SAMMSON: variants seen among roughly 807,000 people sequenced by gnomAD.
SAMMSON encodes the protein survival associated mitochondrial melanoma specific oncogenic non-coding RNA.
intron 4 of SAMMSON, among the ~76,000 whole-genome samples, chr3:70,207,820 C>T (rs1701306362): frequency 6.6e-6 from 1 of 152,090 alleles, no homozygotes; most frequent in African/African-American, 2.4e-5. Context: ...ACCTGAGCAT[C>T]TGAAAATTTC....
chr3:70,027,718 A>G (rs982792104), intron 3 of SAMMSON, among the ~76,000 whole-genome samples: 2 of 152,206 alleles, frequency 1.3e-5, no homozygotes, highest in African/African-American at 4.8e-5. Context: ...AGATGTTGCC[A>G]TCTTAGAAGC....
At chr3:70,088,281 T>C (rs1457280929) in intron 4 of SAMMSON, among the ~76,000 whole-genome samples, 1 of 152,222 alleles carries the variant, frequency 6.6e-6, no homozygotes, top group Non-Finnish European at 1.5e-5. Context: ...ATATGTGTTC[T>C]GATTGATTAA....
intron 6 of SAMMSON, among the ~76,000 whole-genome samples, chr3:70,284,574 A>G (rs142207692): frequency 1.3e-4 from 20 of 152,324 alleles, no homozygotes; most frequent in African/African-American, 4.8e-4. Flanking sequence ...GCCATAAAAA[A>G]GAATAAGATC....
At chr3:70,334,896 A>C (rs374654663) in intron 7 of SAMMSON, among the ~76,000 whole-genome samples, 2 of 152,056 alleles carry the variant, frequency 1.3e-5, no homozygotes, top group African/African-American at 4.8e-5. Context: ...ACATATGTCT[A>C]CTATTTATTT....
rs532033807 is a variant in SAMMSON, at chr3:70,045,846, C to T, written n.418-25630C>T. The stretch of plus-strand genomic sequence containing the variant: ...TTTATTAGCTCTTCTTTAAATCATA[C>T]AAATTATTCCTTTTAACTGTAAATG... On this transcript the variant is annotated intron_variant and non_coding_transcript_variant, in intron 3 of 9. Transcript: ENST00000642114. Among the ~76,000 whole-genome samples the T allele has an allele frequency of 1.0e-3, 158 of 152,166 alleles. 1 individual carries two copies. Among genetic ancestry groups the T allele is most frequent in the Admixed American group, 1.8e-3 (27 of 15,274 alleles).
chr3:70,284,810 C>G (rs1473837254), intron 6 of SAMMSON, among the ~76,000 whole-genome samples: 1 of 152,000 alleles, frequency 6.6e-6, no homozygotes, highest in Non-Finnish European at 1.5e-5. Context: ...GTCTTAAAAC[C>G]TGGGTCATGA....
intron 3 of SAMMSON, among the ~76,000 whole-genome samples, chr3:70,059,804 G>C (rs1365017685): frequency 6.6e-6 from 1 of 152,000 alleles, no homozygotes; most frequent in Non-Finnish European, 1.5e-5. Flanking sequence ...TTGGCTATGG[G>C]GGACTTTCTA....
At chr3:70,359,387 A>G (rs749564950) in intron 9 of SAMMSON, among the ~76,000 whole-genome samples, 3 of 152,212 alleles carry the variant, frequency 2.0e-5, no homozygotes, top group African/African-American at 4.8e-5. Context: ...AAAGAAAACA[A>G]TTATACCTAA....
intron 4 of SAMMSON, among the ~76,000 whole-genome samples, chr3:70,108,528 A>G (rs1315189560): frequency 6.8e-6 from 1 of 147,564 alleles, no homozygotes; most frequent in Non-Finnish European, 1.5e-5. Context: ...CACATCGCAC[A>G]GGCTGAATGT....
At chr3:70,134,012 G>A (rs2067494592) in intron 4 of SAMMSON, among the ~76,000 whole-genome samples, 2 of 151,454 alleles carry the variant, frequency 1.3e-5, no homozygotes, top group South Asian at 4.2e-4. Context: ...GGGAGGCCAA[G>A]GCAGGCAGAT....
chr3:70,363,946 CTTTT>C (rs912509527), intron 9 of SAMMSON, among the ~76,000 whole-genome samples: 2 of 151,602 alleles, frequency 1.3e-5, no homozygotes, highest in African/African-American at 4.8e-5. Flanking sequence ...ATATTTCTAG[CTTTT>C]TTGTCTGTTT....
At chr3:70,345,250 T>C (rs1282129374) in intron 7 of SAMMSON, among the ~76,000 whole-genome samples, 4 of 152,180 alleles carry the variant, frequency 2.6e-5, no homozygotes, top group African/African-American at 4.8e-5. Flanking sequence ...CCTGTGTACA[T>C]GTCAAGTGGT....
chr3:70,079,799 C>T (rs1479909534), intron 4 of SAMMSON, among the ~76,000 whole-genome samples: 1 of 152,114 alleles, frequency 6.6e-6, no homozygotes, highest in African/African-American at 2.4e-5. Flanking sequence ...TCTTCTTTTT[C>T]CAAATGATGT....
At chr3:70,362,457 T>G (rs978861568) in intron 9 of SAMMSON, among the ~76,000 whole-genome samples, 2 of 152,150 alleles carry the variant, frequency 1.3e-5, no homozygotes, top group African/African-American at 4.8e-5. Flanking sequence ...GTCTGTTTAG[T>G]AGGTTTATGG....
Position 70,020,317 on chromosome 3 carries a change from A to G in SAMMSON, n.417+6645A>G, listed in dbSNP as rs2067007755. On this transcript the variant is annotated intron_variant and non_coding_transcript_variant, in intron 3 of 9. Coordinates refer to ENST00000642114, the Ensembl canonical transcript of SAMMSON. The stretch of plus-strand genomic sequence containing the variant: ...AGATTAATGCAGAAAGCAAAAATTC[A>G]ACAGGAACATGGGTCTTCAGGCACC... 2.0e-5 allele frequency among the ~76,000 whole-genome samples: 3 copies of G among 152,336 alleles called. No individual in the cohort carries two copies. The South Asian group carries it at 6.2e-4, about 32-fold the overall frequency.
intron 7 of SAMMSON, among the ~76,000 whole-genome samples, chr3:70,300,852 C>T (rs1292726682): frequency 1.3e-5 from 2 of 151,932 alleles, no homozygotes; most frequent in African/African-American, 4.8e-5. Flanking sequence ...CAAATTTGGA[C>T]ACTCCAAGGT....
chr3:70,068,350 A>G (rs1019739050), intron 3 of SAMMSON: 1 of 152,078 alleles, frequency 6.6e-6, no homozygotes, highest in African/African-American at 2.4e-5. Context: ...AAGGGAAACG[A>G]AGATACCGCG....
At chr3:70,063,763 T>A (rs1036393912) in intron 3 of SAMMSON, among the ~76,000 whole-genome samples, 21 of 152,152 alleles carry the variant, frequency 1.4e-4, no homozygotes, top group African/African-American at 5.1e-4. Flanking sequence ...TCCAGGTAAC[T>A]GGAGCTTGAG....
At chr3:70,198,548 G>A (rs951373164) in intron 4 of SAMMSON, among the ~76,000 whole-genome samples, 3 of 152,142 alleles carry the variant, frequency 2.0e-5, no homozygotes, top group African/African-American at 7.2e-5. Flanking sequence ...TATAAGGTGA[G>A]TCCTGAATAT....
Sources: allele counts gnomAD v4.1 joint callset (sites outside exome capture counted in the v4.1 genomes callset), GRCh38; gene constraint gnomAD v4.1.1; transcripts MANE v1.5; gene names NCBI Gene and HGNC (gene_info 2026-07-23, HGNC 2026-07-21).